Variants in P3H2 observed in about 807,000 individuals in gnomAD.
The protein encoded by P3H2 is prolyl 3-hydroxylase 2.
A neutral mutation model predicts 87.0 loss-of-function variants in P3H2; 80 were observed. The ratio of observed to expected loss-of-function variants is 0.92; its 90% CI spans 0.77 to 1.11. The LOEUF is 1.11. Ranked by LOEUF, P3H2 falls within the 50% of genes least tolerant of loss-of-function variation. The probability of loss-of-function intolerance (pLI) is 0.00; values close to 1 mark genes in which losing one functional copy is unlikely to be tolerated. For missense variants in P3H2, 1,001 were observed against 923.9 expected (o/e 1.08, Z -1.08); for synonymous variants, 367 against 359.3 (o/e 1.02, Z -0.24).
At chr3:190,065,711 CTG>C (rs1333454087) in intron 1 of P3H2, among the ~76,000 whole-genome samples, 1 of 152,118 alleles carries the variant, frequency 6.6e-6, no homozygotes, top group Non-Finnish European at 1.5e-5. Flanking sequence ...ATATCTGCCT[CTG>C]TTACCAAGAT....
chr3:190,101,548 G>A (rs541417930), intron 1 of P3H2, among the ~76,000 whole-genome samples: 3 of 152,076 alleles, frequency 2.0e-5, no homozygotes, highest in African/African-American at 7.2e-5. Flanking sequence ...TTCAGGGCAA[G>A]AGTCAAACTC....
intron 1 of P3H2, among the ~76,000 whole-genome samples, chr3:190,062,403 C>T (rs1446840491): frequency 6.6e-6 from 1 of 152,124 alleles, no homozygotes; most frequent in Non-Finnish European, 1.5e-5. Flanking sequence ...CTCAAAGTTC[C>T]TTGCACAGAA....
intron 1 of P3H2, among the ~76,000 whole-genome samples, chr3:190,097,623 T>C (rs2108989599): frequency 1.4e-5 from 2 of 143,710 alleles, no homozygotes; most frequent in South Asian, 4.2e-4. Flanking sequence ...ATTTTTATTG[T>C]TGTTGGATTA....
intron 13 of P3H2, among the ~76,000 whole-genome samples, chr3:189,965,561 A>C (rs1216101881): frequency 6.6e-6 from 1 of 152,214 alleles, no homozygotes; most frequent in Non-Finnish European, 1.5e-5. Flanking sequence ...TCTGATGTAA[A>C]TCTAGAGAGT....
In P3H2 at chr3:189,964,057, T is replaced by C. The variant is rs537633282; in HGVS notation, c.1935A>G (p.Ser645=). ...CCCCATGAGGGTTCTCTCCTCCAGA[T>C]GAGAAGCTGATCATGCGCCCACATT... ...KPKCGRMISF[S]SGGENPHGVK... Residue 645 remains serine (S), a synonymous_variant, in exon 14 of 15, where the codon TCA becomes TCG. Transcript: ENST00000319332. 10 of 1,613,964 alleles carry C rather than the reference T, an allele frequency of 6.2e-6. No homozygotes were observed. The highest frequency in any genetic ancestry group is 8.5e-6 in the Non-Finnish European group (10 of 1,179,956).
intron 1 of P3H2, among the ~76,000 whole-genome samples, chr3:190,043,443 C>G (rs1377589982): frequency 6.6e-6 from 1 of 152,164 alleles, no homozygotes; most frequent in Non-Finnish European, 1.5e-5. Flanking sequence ...TTCTTATTCT[C>G]TTTAAACTTG....
intron 13 of P3H2, 124 bp from the exon 14 acceptor site, chr3:189,964,222 G>T: frequency 1.2e-6 from 1 of 865,518 alleles, no homozygotes; most frequent in Non-Finnish European, 1.9e-6. Context: ...GGAATCCTGG[G>T]ATTGAAGATG....
chr3:190,095,010 C>A (rs1255091452), intron 1 of P3H2, among the ~76,000 whole-genome samples: 1 of 151,914 alleles, frequency 6.6e-6, no homozygotes, highest in Non-Finnish European at 1.5e-5. Context: ...AAGAATAGAG[C>A]CAGTATTTCC....
intron 1 of P3H2, among the ~76,000 whole-genome samples, chr3:190,047,976 C>CT (rs914803270): frequency 4.6e-5 from 7 of 151,992 alleles, no homozygotes; most frequent in African/African-American, 1.5e-4. Context: ...TTGTTTTATC[C>CT]TTTTTTTATG....
chr3:189,964,268 A>C (rs1050705346), intron 13 of P3H2, 170 bp from the exon 14 acceptor site: 5 of 698,424 alleles, frequency 7.2e-6, no homozygotes, highest in Non-Finnish European at 1.0e-5. Flanking sequence ...CCGTAAAACA[A>C]AGGTAAGGTC....
chr3:190,070,608 C>T (rs746617124), intron 1 of P3H2, among the ~76,000 whole-genome samples: 10 of 152,124 alleles, frequency 6.6e-5, no homozygotes, highest in Admixed American at 1.3e-4. Context: ...AAAGAGGCAA[C>T]GACTTACAAG....
chr3:190,029,271 T>A (rs1725180909), intron 1 of P3H2, among the ~76,000 whole-genome samples: 1 of 152,214 alleles, frequency 6.6e-6, no homozygotes, highest in African/African-American at 2.4e-5. Context: ...AAATTCTTAT[T>A]TAGTCTCAGT....
intron 1 of P3H2, among the ~76,000 whole-genome samples, chr3:190,076,236 AT>A (rs1726874207): frequency 6.6e-6 from 1 of 151,992 alleles, no homozygotes; most frequent in Non-Finnish European, 1.5e-5. Context: ...AGTGTCCTTA[AT>A]TTTGAGATAT....
intron 6 of P3H2, among the ~76,000 whole-genome samples, chr3:189,986,031 C>CA (rs1723684879): frequency 6.6e-6 from 1 of 152,092 alleles, no homozygotes; most frequent in Non-Finnish European, 1.5e-5. Flanking sequence ...GATTAGAAGA[C>CA]AACATGGAAA....
chr3:190,016,112 C>G (rs184349745), intron 1 of P3H2, among the ~76,000 whole-genome samples: 1 of 152,254 alleles, frequency 6.6e-6, no homozygotes, highest in East Asian at 1.9e-4. Context: ...GAGAAAACAT[C>G]CACAACATAT....
intron 1 of P3H2, among the ~76,000 whole-genome samples, chr3:190,040,211 G>C (rs939357978): frequency 2.0e-5 from 3 of 152,152 alleles, no homozygotes; most frequent in Admixed American, 6.5e-5. Context: ...TGCACATTTG[G>C]CTGCATAGAT....
At chr3:189,979,993 C>T (rs2108913849) in intron 8 of P3H2, among the ~76,000 whole-genome samples, 1 of 151,926 alleles carries the variant, frequency 6.6e-6, no homozygotes, top group Admixed American at 6.5e-5. Context: ...AAAAAAAAAT[C>T]TGGTGAGTGA....
chr3:190,015,384 T>G (rs1724719800), intron 1 of P3H2, among the ~76,000 whole-genome samples: 1 of 152,214 alleles, frequency 6.6e-6, no homozygotes, highest in South Asian at 2.1e-4. Flanking sequence ...GAAACTAAAT[T>G]GTGAAAAAAT....
intron 1 of P3H2, among the ~76,000 whole-genome samples, chr3:190,116,200 A>C (rs1712282254): frequency 6.6e-6 from 1 of 152,208 alleles, no homozygotes. Context: ...AAATAGGTGC[A>C]TTTATATGTT....
Sources: allele counts gnomAD v4.1 joint callset (sites outside exome capture counted in the v4.1 genomes callset), GRCh38; gene constraint gnomAD v4.1.1; transcripts MANE v1.5; gene names NCBI Gene and HGNC (gene_info 2026-07-23, HGNC 2026-07-21).